The following PANK3 variants were observed in gnomAD, a reference collection of about 807,000 sequenced individuals.
PANK3 encodes hPanK3.
Under a neutral mutation model 39.4 loss-of-function variants are expected in PANK3, and 20 were observed. The ratio of observed to expected loss-of-function variants is 0.51; its 90% confidence interval spans 0.36 to 0.74. The LOEUF is 0.74. Ranked by LOEUF, PANK3 falls within the 30% of genes least tolerant of loss-of-function variation. PANK3 has a pLI of 0.00. For missense variants in PANK3, 265 were observed against 437.0 expected (o/e 0.61, Z 3.51); for synonymous variants, 140 against 157.3 (o/e 0.89, Z 0.82).
rs6876924 is a variant in PANK3, at chr5:168,569,009, A to G, written c.29-11T>C. 0.16 allele frequency: 22,099 copies of G among 134,898 alleles called. 2,087 individuals are homozygous for G. The highest frequency in any genetic ancestry group is 0.36 in the South Asian group (2,534 of 6,970). 8.4% of individuals were successfully genotyped at this position (134,898 alleles called of 1,614,324 possible). On this transcript the variant is annotated splice_polypyrimidine_tract_variant and intron_variant, in intron 1 of 6. Coordinates refer to ENST00000239231, the MANE Select transcript of PANK3 (RefSeq NM_024594.4). ...CAAACCATGGGAAAGCTATGGGAGG[A>G]AAAAAAAAAAAAAAAAAAAAAATAT... is the stretch of plus-strand genomic sequence containing the variant.
At chr5:168,564,160 A>G in intron 3 of PANK3, 95 bp from the exon 4 acceptor site, 1 of 1,110,530 alleles carries the variant, frequency 9.0e-7, no homozygotes, top group Non-Finnish European at 1.2e-6. Flanking sequence ...CAATGAACAC[A>G]CAGAAAAAAA....
At position 168,552,675 on chromosome 5, in the gene PANK3, A is replaced by C; in HGVS notation, c.*4896T>G. The C allele has an allele frequency of 4.7e-6, 1 of 211,276 alleles. No individual in the cohort carries two copies. Among genetic ancestry groups the C allele is most frequent in the Non-Finnish European group, 1.1e-5 (1 of 90,226 alleles). The allele number at this position is 211,276 out of a possible 1,614,324, so 13.1% of individuals were successfully genotyped here. A position where few individuals can be genotyped will look rare whatever the true frequency, so the allele number is the denominator to read the frequency against. The stretch of plus-strand genomic sequence containing the variant: ...GCTCATCCCACCATACTCATCCTTT[A>C]ATAACAAAGAAACAATCATGAGGAC... On this transcript the variant is annotated 3_prime_UTR_variant, in exon 7 of 7. Transcript: ENST00000239231.
chr5:168,571,191 C>A (rs1759624808), intron 1 of PANK3, among the ~76,000 whole-genome samples: 1 of 152,126 alleles, frequency 6.6e-6, no homozygotes. Flanking sequence ...TGGCCACAAT[C>A]CTTATACTGA....
In PANK3 at chr5:168,556,094, G is replaced by T. The variant is rs1759345101; in HGVS notation, c.*1477C>A. 6.6e-6 allele frequency: 1 copy of T among 152,190 alleles called. No individual in the cohort carries two copies. Among genetic ancestry groups the T allele is most frequent in the African/African-American group, 2.4e-5 (1 of 41,442 alleles). The allele number at this position is 152,190 out of a possible 1,614,324, so 9.4% of individuals were successfully genotyped here. ...TTTCCAAGTTAGACAGTTGGGGAAA[G>T]AACTTCCTAAATCTTAAGGTTGAAG... On this transcript the variant is annotated 3_prime_UTR_variant, in exon 7 of 7. Coordinates refer to ENST00000239231, the MANE Select transcript of PANK3 (RefSeq NM_024594.4).
At chr5:168,557,677 A>G (rs1759370715) in intron 6 of PANK3, 56 bp from the exon 7 acceptor site, 2 of 1,388,208 alleles carry the variant, frequency 1.4e-6, no homozygotes, top group African/African-American at 1.4e-5. Context: ...AGCATATAAT[A>G]TTAACCACTT....
rs1480218318 is a variant in PANK3 at position 168,554,085 on chromosome 5, T to G, written c.*3486A>C. On this transcript the variant is annotated 3_prime_UTR_variant, in exon 7 of 7. Transcript: ENST00000239231. ...ACAAAAGCATAATAGTTCCAAAATT[T>G]GTAAAGCCTTTTACCTGGGAATTTA... 1 of 152,216 alleles carries G rather than the reference T, an allele frequency of 6.6e-6. No homozygotes were observed. The highest frequency in any genetic ancestry group is 1.5e-5 in the Non-Finnish European group (1 of 68,022). 9.4% of individuals were successfully genotyped at this position (152,216 alleles called of 1,614,324 possible). A position where few individuals can be genotyped will look rare whatever the true frequency, so the allele number is the denominator to read the frequency against.
At chr5:168,578,546 C>T (rs569550622) in intron 1 of PANK3, 1 of 152,074 alleles carries the variant, frequency 6.6e-6, no homozygotes, top group Non-Finnish European at 1.5e-5. Context: ...AAAGACTAAA[C>T]ATAAAAGGAA....
At position 168,568,864 on chromosome 5, in the gene PANK3, T is replaced by C; in HGVS notation, c.163A>G (p.Asn55Asp). The C allele has an allele frequency of 6.2e-7, 1 of 1,613,916 alleles. No individual in the cohort carries two copies. Among genetic ancestry groups the C allele is most frequent in the Non-Finnish European group, 8.5e-7 (1 of 1,179,954 alleles). The part of the protein sequence containing the change: ...LKSIRKYLTS[N>D]VAYGSTGIRD... ...ATGCCGGTGGATCCATATGCCACGT[T>C]AGAAGTCAAATATTTCCGAATACTT... Residue 55 changes from asparagine (N) to aspartate (D), a missense_variant, in exon 2 of 7, where the codon AAC becomes GAC. Transcript: ENST00000239231.
In PANK3 at chr5:168,568,775, A is replaced by G; in HGVS notation, c.252T>C (p.Phe84=). ...TLFGRRGNLH[F]IRFPTQDLPT... Reference sequence around the variant, plus strand: ...GCAGGTCCTGGGTTGGAAACCTGATAAAGTGCAAGTTCCCTCTTCGGCCAA... The same window carrying G: ...GCAGGTCCTGGGTTGGAAACCTGATGAAGTGCAAGTTCCCTCTTCGGCCAA... Residue 84 remains phenylalanine, a synonymous_variant, in exon 2 of 7, where the codon TTT becomes TTC. Transcript: ENST00000239231. The G allele has an allele frequency of 3.7e-6, 6 of 1,614,074 alleles. No homozygotes were observed. The highest frequency in any genetic ancestry group is 5.1e-6 in the Non-Finnish European group (6 of 1,179,982).
chr5:168,569,472 G>A (rs1439837798), intron 1 of PANK3, among the ~76,000 whole-genome samples: 13 of 151,796 alleles, frequency 8.6e-5, no homozygotes, highest in Admixed American at 7.9e-4. Flanking sequence ...GATTGCAGGC[G>A]TGAGCCACCG....
chr5:168,549,080 TAAAA>T lies in PANK3; in HGVS notation c.*8487_*8490del, dbSNP rs1401160428. ...AAGATAAACGCCATTCAATTTTAGT[TAAAA>T]AATCAGTTTTTTGCTGTAGTTTAAA... is the stretch of plus-strand genomic sequence containing the variant. On this transcript the variant is annotated 3_prime_UTR_variant, in exon 7 of 7. Transcript: ENST00000239231. 1 of 152,208 alleles carries T rather than the reference TAAAA, an allele frequency of 6.6e-6. No homozygotes were observed. Among genetic ancestry groups the T allele is most frequent in the Non-Finnish European group, 1.5e-5 (1 of 68,032 alleles). 9.4% of individuals were successfully genotyped at this position (152,208 alleles called of 1,614,324 possible).
intron 2 of PANK3, among the ~76,000 whole-genome samples, chr5:168,566,699 A>G (rs2113119534): frequency 6.6e-6 from 1 of 152,328 alleles, no homozygotes; most frequent in African/African-American, 2.4e-5. Flanking sequence ...TGTGTATACA[A>G]ATACAAAAGT....
intron 1 of PANK3, among the ~76,000 whole-genome samples, chr5:168,570,658 G>A (rs775985333): frequency 2.0e-5 from 3 of 152,090 alleles, no homozygotes; most frequent in East Asian, 3.8e-4. Flanking sequence ...AGAGGCATAC[G>A]TCAGTACGGT....
chr5:168,574,935 T>C (rs928612197), intron 1 of PANK3, among the ~76,000 whole-genome samples: 8 of 152,092 alleles, frequency 5.3e-5, no homozygotes, highest in African/African-American at 1.7e-4. Flanking sequence ...TTGTTGCTTC[T>C]AGCCAAGAGA....
At chr5:168,565,886 T>TATATATATATATA (rs56668677) in intron 3 of PANK3, 127 bp downstream of exon 3, 139 of 167,774 alleles carry the variant, frequency 8.3e-4, no homozygotes, top group African/African-American at 4.0e-3. Context: ...TATATATATA[T>TATATATATATATA]TTTTTTTTTT....
At chr5:168,569,487 C>A (rs952416796) in intron 1 of PANK3, among the ~76,000 whole-genome samples, 1 of 151,830 alleles carries the variant, frequency 6.6e-6, no homozygotes, top group South Asian at 2.1e-4. Context: ...CCACCGCGCT[C>A]GGCCCTTCAA....
chr5:168,569,471 C>T (rs1236383595), intron 1 of PANK3, among the ~76,000 whole-genome samples: 3 of 151,774 alleles, frequency 2.0e-5, no homozygotes, highest in Non-Finnish European at 4.4e-5. Flanking sequence ...GGATTGCAGG[C>T]GTGAGCCACC....
rs1759366701 is a variant in PANK3 at position 168,557,464 on chromosome 5, C to T, written c.*107G>A. On this transcript the variant is annotated 3_prime_UTR_variant, in exon 7 of 7. Transcript: ENST00000239231. ...ATATGGCAACATTCAGCAGCTTATG[C>T]TACTCTTTTATCCTTTGGTTCCCAG... is the stretch of plus-strand genomic sequence containing the variant. 1.0e-6 allele frequency: 1 copy of T among 967,674 alleles called. No homozygotes were observed. Among genetic ancestry groups the T allele is most frequent in the Non-Finnish European group, 1.6e-6 (1 of 623,066 alleles). 59.9% of individuals were successfully genotyped at this position (967,674 alleles called of 1,614,324 possible). A position where few individuals can be genotyped will look rare whatever the true frequency, so the allele number is the denominator to read the frequency against.
intron 2 of PANK3, among the ~76,000 whole-genome samples, chr5:168,566,476 T>TG (rs1320964610): frequency 1.3e-5 from 2 of 152,082 alleles, no homozygotes; most frequent in African/African-American, 4.8e-5. Flanking sequence ...TTCTAAATGA[T>TG]GGGGAGGAAG....
Sources: allele counts gnomAD v4.1 joint callset (sites outside exome capture counted in the v4.1 genomes callset), GRCh38; gene constraint gnomAD v4.1.1; transcripts MANE v1.5; gene names NCBI Gene and HGNC (gene_info 2026-07-23, HGNC 2026-07-21).